The following PARD3B variants were observed in gnomAD, a reference collection of about 807,000 sequenced individuals.
PARD3B encodes partitioning defective 3 homolog B.
In PARD3B, 103 loss-of-function variants were observed where a neutral mutation model predicts 130.2. The observed-to-expected ratio is 0.79, with a 90% confidence interval of 0.67 to 0.93. PARD3B has a LOEUF of 0.93. PARD3B is among the 40% of genes least tolerant of loss of function. The pLI is 0.00. For synonymous variants in PARD3B, 583 were observed against 553.2 expected (o/e 1.05, Z -0.76); for missense variants, 1,609 against 1,499.2 (o/e 1.07, Z -1.21).
intron 13 of PARD3B, among the ~76,000 whole-genome samples, chr2:205,185,262 TTGTGTG>T: frequency 6.7e-6 from 1 of 150,150 alleles, no homozygotes; most frequent in East Asian, 2.0e-4. Context: ...GTTTGTGTGT[TTGTGTG>T]TGTGTGTGTG....
chr2:204,981,645 T>G (rs933832021), intron 3 of PARD3B, among the ~76,000 whole-genome samples: 51 of 152,240 alleles, frequency 3.3e-4, no homozygotes, highest in African/African-American at 1.2e-3. Context: ...ACAAAAAGAT[T>G]AAAACTTTCT....
intron 2 of PARD3B, among the ~76,000 whole-genome samples, chr2:204,866,984 T>G (rs1240035305): frequency 6.6e-6 from 1 of 151,842 alleles, no homozygotes; most frequent in Non-Finnish European, 1.5e-5. Context: ...CAGGAGAATC[T>G]CCTGAAACCA....
rs1021814944 is a variant in PARD3B, at chr2:204,987,312, A to G, written c.394+21989A>G. Among the ~76,000 whole-genome samples, 4 of 152,354 alleles carry G rather than the reference A, an allele frequency of 2.6e-5. 1 individual carries two copies. Among genetic ancestry groups the G allele is most frequent in the African/African-American group, 9.6e-5 (4 of 41,582 alleles). ...CAAAAGACTAATATTTTCTCTGGGA[A>G]TAAAACATTTTGGAAGATATTTTAT... is the stretch of plus-strand genomic sequence containing the variant. On this transcript the variant is annotated intron_variant, in intron 3 of 22. Coordinates refer to ENST00000406610, the MANE Select transcript of PARD3B (RefSeq NM_001302769.2).
At chr2:204,792,443 T>C (rs2042232199) in intron 2 of PARD3B, among the ~76,000 whole-genome samples, 1 of 151,616 alleles carries the variant, frequency 6.6e-6, no homozygotes, top group Non-Finnish European at 1.5e-5. Context: ...TTCTCAAGTT[T>C]TATATTGACC....
At chr2:204,792,176 A>T (rs2125478180) in intron 2 of PARD3B, among the ~76,000 whole-genome samples, 1 of 152,336 alleles carries the variant, frequency 6.6e-6, no homozygotes, top group African/African-American at 2.4e-5. Context: ...AAATAGAAAA[A>T]TTCTGAATAG....
At chr2:204,576,122 C>G (rs181981062) in intron 1 of PARD3B, among the ~76,000 whole-genome samples, 66 of 152,300 alleles carry the variant, frequency 4.3e-4, no homozygotes, top group African/African-American at 1.5e-3. Flanking sequence ...ATAAATAGCT[C>G]TCTCTGCCTT....
intron 2 of PARD3B, among the ~76,000 whole-genome samples, chr2:204,811,937 T>A (rs2125525273): frequency 6.6e-6 from 1 of 152,260 alleles, no homozygotes; most frequent in Non-Finnish European, 1.5e-5. Flanking sequence ...ATTTAAGTAC[T>A]TTTTTTAACA....
intron 15 of PARD3B, among the ~76,000 whole-genome samples, chr2:205,195,737 A>T (rs2036646191): frequency 6.6e-6 from 1 of 152,190 alleles, no homozygotes; most frequent in South Asian, 2.1e-4. Context: ...ATTCTTTAAA[A>T]CGTCTTAATA....
chr2:204,640,616 A>G (rs1192971355), intron 1 of PARD3B, among the ~76,000 whole-genome samples: 1 of 151,936 alleles, frequency 6.6e-6, no homozygotes, highest in Non-Finnish European at 1.5e-5. Context: ...TCCCTTTTTG[A>G]TTTTGTCAAC....
chr2:205,464,008 A>T (rs1471624092), intron 20 of PARD3B, among the ~76,000 whole-genome samples: 1 of 152,200 alleles, frequency 6.6e-6, no homozygotes, highest in Non-Finnish European at 1.5e-5. Flanking sequence ...GAGTAGTCAG[A>T]ACCCATGGGA....
intron 15 of PARD3B, among the ~76,000 whole-genome samples, chr2:205,220,648 A>C (rs2038188185): frequency 6.6e-6 from 1 of 152,194 alleles, no homozygotes; most frequent in Non-Finnish European, 1.5e-5. Context: ...AAGTCTTTTG[A>C]AGAAAAATGG....
chr2:204,813,152 A>G (rs1350885371), intron 2 of PARD3B, among the ~76,000 whole-genome samples: 1 of 152,180 alleles, frequency 6.6e-6, no homozygotes, highest in Non-Finnish European at 1.5e-5. Flanking sequence ...GTGGTTGTAC[A>G]ATTTTTACAC....
chr2:204,670,106 G>A (rs572295866), intron 1 of PARD3B, among the ~76,000 whole-genome samples: 1 of 152,260 alleles, frequency 6.6e-6, no homozygotes, highest in Admixed American at 6.5e-5. Context: ...GTTGCCTCTG[G>A]AGAATACAGA....
chr2:205,387,342 ATAATT>A (rs1442377709), intron 18 of PARD3B, among the ~76,000 whole-genome samples: 1 of 152,196 alleles, frequency 6.6e-6, no homozygotes, highest in Non-Finnish European at 1.5e-5. Context: ...TTTAGATTAA[ATAATT>A]TAAGCTCAGG....
chr2:205,264,216 T>G (rs1002894814), intron 16 of PARD3B, among the ~76,000 whole-genome samples: 1 of 151,118 alleles, frequency 6.6e-6, no homozygotes, highest in Non-Finnish European at 1.5e-5. Context: ...AGAAGTCATC[T>G]GCATTAGAGG....
chr2:204,691,952 A>AC (rs1329952362), intron 2 of PARD3B, among the ~76,000 whole-genome samples: 1 of 152,166 alleles, frequency 6.6e-6, no homozygotes, highest in African/African-American at 2.4e-5. Flanking sequence ...GAATCCTTTT[A>AC]TCAGAACATA....
intron 1 of PARD3B, among the ~76,000 whole-genome samples, chr2:204,553,743 T>A (rs2030713516): frequency 7.0e-6 from 1 of 141,944 alleles, no homozygotes. Flanking sequence ...AAAGAGAGAC[T>A]GAATTAATGG....
At chr2:205,197,556 C>A (rs370417368) in intron 15 of PARD3B, among the ~76,000 whole-genome samples, 7 of 152,212 alleles carry the variant, frequency 4.6e-5, no homozygotes, top group African/African-American at 1.4e-4. Flanking sequence ...CCTTTTGAGG[C>A]TGCTTTGCCT....
chr2:204,550,874 T>A (rs970586804), intron 1 of PARD3B, among the ~76,000 whole-genome samples: 8 of 152,150 alleles, frequency 5.3e-5, no homozygotes, highest in Non-Finnish European at 1.2e-4. Context: ...ACTCTTGAAT[T>A]TCTAAACTTT....
Sources: gnomAD v4.1 joint callset for allele counts (sites outside exome capture counted in the v4.1 genomes callset) on GRCh38, gnomAD v4.1.1 for gene constraint, MANE v1.5 for transcripts, NCBI Gene and HGNC (gene_info 2026-07-23, HGNC 2026-07-21) for gene names.